The following RUSF1 variants were observed in gnomAD, a reference collection of about 807,000 sequenced individuals.
RUSF1 encodes RUS1 family protein C16orf58.
Under a neutral mutation model 63.0 loss-of-function variants are expected in RUSF1, and 58 were observed. The ratio of observed to expected loss-of-function variants is 0.92; its 90% CI spans 0.75 to 1.15. RUSF1 has a LOEUF of 1.15. RUSF1 is among the 50% of genes most tolerant of loss of function. RUSF1 has a pLI of 0.00. For synonymous variants in RUSF1, 274 were observed against 255.8 expected (o/e 1.07, Z -0.68); for missense variants, 652 against 611.0 (o/e 1.07, Z -0.71).
rs757370366 is a variant in RUSF1 at position 31,492,063 on chromosome 16, C to A, written c.1255G>T (p.Val419Phe). 6.2e-7 allele frequency: 1 copy of A among 1,614,166 alleles called. No individual in the cohort carries two copies. The highest frequency in any genetic ancestry group is 1.1e-5 in the South Asian group (1 of 91,086). The stretch of plus-strand genomic sequence containing the variant: ...AACACTTCGTGTGTCTCCTTGACGA[C>A]GACCCAGCTCTCTTTCTTAGGACCT... ...RAGPKKESWV[V>F]VKETHEVLDM... Residue 419 changes from valine to phenylalanine, a missense_variant, in exon 12 of 13, where the codon GTC (valine) becomes TTC (phenylalanine). Coordinates refer to ENST00000327237, the MANE Select transcript of RUSF1 (RefSeq NM_022744.4).
intron 2 of RUSF1, among the ~76,000 whole-genome samples, chr16:31,506,552 C>T (rs1189715569): frequency 1.3e-5 from 2 of 152,170 alleles, no homozygotes; most frequent in South Asian, 2.1e-4. Flanking sequence ...GAAGCTGAGG[C>T]GAATGGATCA....
intron 12 of RUSF1, 87 bp downstream of exon 12, chr16:31,491,922 T>A (rs1190966319): frequency 7.2e-7 from 1 of 1,394,708 alleles, no homozygotes; most frequent in Admixed American, 1.9e-5. Context: ...CTTTTACCTT[T>A]CAGGTGAAAG....
chr16:31,502,893 G>A (rs563955732), intron 2 of RUSF1, among the ~76,000 whole-genome samples: 1 of 152,256 alleles, frequency 6.6e-6, no homozygotes, highest in Non-Finnish European at 1.5e-5. Flanking sequence ...GCCTTCCGAA[G>A]TGTTGGGATT....
chr16:31,491,313 C>A (rs2082566274), intron 12 of RUSF1, among the ~76,000 whole-genome samples: 1 of 151,990 alleles, frequency 6.6e-6, no homozygotes, highest in African/African-American at 2.4e-5. Context: ...CTTAGGATTG[C>A]AGAGAGAATC....
Position 31,499,397 on chromosome 16 carries a change from C to T in RUSF1, c.505G>A (p.Asp169Asn). ...CNAKQWRLFA[D>N]ILNDVAMFLE... ...AACATGGCTACGTCATTGAGGATGT[C>T]CGCAAAAAGCCTGGGGAGGGATCAG... Residue 169 changes from aspartate (D) to asparagine (N), a missense_variant, in exon 5 of 13, where the codon GAC (aspartate) becomes AAC (asparagine). Transcript: ENST00000327237. The T allele has an allele frequency of 6.2e-7, 1 of 1,613,900 alleles. No individual in the cohort carries two copies. The highest frequency in any genetic ancestry group is 1.1e-5 in the South Asian group (1 of 91,066).
At position 31,493,725 on chromosome 16, in the gene RUSF1, A is replaced by T. The variant is rs767617953; in HGVS notation, c.836T>A (p.Val279Asp). The T allele has an allele frequency of 1.9e-6, 3 of 1,614,068 alleles. No individual in the cohort carries two copies. The highest frequency in any genetic ancestry group is 2.5e-6 in the Non-Finnish European group (3 of 1,180,016). Residue 279 changes from valine to aspartate, a missense_variant, in exon 8 of 13, where the codon GTC (valine) becomes GAC (aspartate). Transcript: ENST00000327237. ...CAAGGTCTCCATGACCAGGGCTCGG[A>T]CCGCGCGGTAGTTGGCGTAGATGTG... ...ALHIYANYRA[V>D]RALVMETLNE... is the part of the protein sequence containing the mutation.
rs1470226487 is a variant in RUSF1 at position 31,508,168 on chromosome 16, G to A, written c.206C>T (p.Pro69Leu). ...GAACACGGCCTGGAGCCCGGAGAGGGGCGGTGAGGGGGCCCCGGAAGCCCC... is the reference window on the plus strand; with the variant it reads ...GAACACGGCCTGGAGCCCGGAGAGGAGCGGTGAGGGGGCCCCGGAAGCCCC... Reference protein sequence around the residue: ...EVGASGAPSPPLSGLQAVFLP... With the variant: ...EVGASGAPSPLLSGLQAVFLP... Residue 69 changes from proline to leucine, a missense_variant, in exon 1 of 13, where the codon CCC (proline) becomes CTC (leucine). Pro to Leu is a moderately conservative substitution (Grantham distance 98). Coordinates refer to ENST00000327237, the MANE Select transcript of RUSF1 (RefSeq NM_022744.4). 4.4e-6 allele frequency: 7 copies of A among 1,578,536 alleles called. No homozygotes were observed. The highest frequency in any genetic ancestry group is 2.4e-5 in the East Asian group (1 of 42,280).
chr16:31,490,851 T>C lies in RUSF1; in HGVS notation c.1391A>G (p.Glu464Gly). 1 of 1,614,144 alleles carries C rather than the reference T, an allele frequency of 6.2e-7. No homozygotes were observed. The highest frequency in any genetic ancestry group is 8.5e-7 in the Non-Finnish European group (1 of 1,180,022). ...EWRATWLLSPEKKVL is the reference protein window; with the variant it reads ...EWRATWLLSPGKKVL ...CTGGGCTGCTCACAAGACCTTCTTT[T>C]CGGGAGACAGAAGCCATGTGGCCCT... The change falls in exon 13 of 13, where the codon GAA becomes GGA. Residue 464 changes from glutamate to glycine, a missense_variant. Coordinates refer to ENST00000327237, the MANE Select transcript of RUSF1 (RefSeq NM_022744.4).
rs148937147 is a variant in RUSF1, at chr16:31,489,624, A to C, written c.*1211T>G. ...ACACAGGATCTGACTGGTGGGCACA[A>C]TACCATCTTGAACGCCCACAAAAAG... On this transcript the variant is annotated 3_prime_UTR_variant, in exon 13 of 13. Coordinates refer to ENST00000327237, the MANE Select transcript of RUSF1 (RefSeq NM_022744.4). 657 of 557,228 alleles carry C rather than the reference A, an allele frequency of 1.2e-3. 3 individuals are homozygous for C. The highest frequency in any genetic ancestry group is 0.011 in the African/African-American group (563 of 53,126). 34.5% of individuals were successfully genotyped at this position (557,228 alleles called of 1,614,324 possible). A position where few individuals can be genotyped will look rare whatever the true frequency, so the allele number is the denominator to read the frequency against.
At chr16:31,498,905 C>CT (rs2082618202) in intron 5 of RUSF1, among the ~76,000 whole-genome samples, 1 of 152,184 alleles carries the variant, frequency 6.6e-6, no homozygotes, top group Non-Finnish European at 1.5e-5. Flanking sequence ...CCTATAATTC[C>CT]ACAAACACTG....
At chr16:31,500,469 T>C (rs977365247) in intron 3 of RUSF1, among the ~76,000 whole-genome samples, 6 of 152,220 alleles carry the variant, frequency 3.9e-5, no homozygotes, top group Admixed American at 6.5e-5. Context: ...CTGTAAGGAT[T>C]AGAGACAACA....
rs993059155 is a variant in RUSF1, at chr16:31,490,708, TGAGGGC to T, written c.*121_*126del. ...GCATCTGATTGGCAGTCACTTCCCA[TGAGGGC>T]CTGGCCCACCCGCTGCAGTTGCCCT... On this transcript the variant is annotated 3_prime_UTR_variant, in exon 13 of 13. Transcript: ENST00000327237. 853 of 1,202,462 alleles carry T rather than the reference TGAGGGC, an allele frequency of 7.1e-4. 7 individuals carry two copies. The African/African-American group carries it at 0.012, about 17-fold the overall frequency. 74.5% of individuals were successfully genotyped at this position (1,202,462 alleles called of 1,614,324 possible). A position where few individuals can be genotyped will look rare whatever the true frequency, so the allele number is the denominator to read the frequency against.
intron 9 of RUSF1, 185 bp from the exon 10 acceptor site, chr16:31,493,233 TC>T (rs2082583096): frequency 1.2e-6 from 1 of 867,086 alleles, no homozygotes; most frequent in Admixed American, 2.0e-5. Context: ...TATCCAGTCA[TC>T]CAACTTCCCC....
Position 31,492,013 on chromosome 16 carries a change from C to T in RUSF1, c.1305G>A (p.Leu435=). The T allele has an allele frequency of 6.2e-7, 1 of 1,614,158 alleles. No homozygotes were observed. Among genetic ancestry groups the T allele is most frequent in the South Asian group, 1.1e-5 (1 of 91,078 alleles). ...EVLDMLFPKF[L]KGLQDAGWKT... is the part of the protein sequence containing the mutation. ...CCATGGGCTGAGGGATGTTACCTTT[C>T]AAGAACTTTGGGAACAGCATGTCCA... Residue 435 remains leucine, a synonymous_variant, in exon 12 of 13, where the codon TTG becomes TTA. Coordinates refer to ENST00000327237, the MANE Select transcript of RUSF1 (RefSeq NM_022744.4).
chr16:31,493,993 T>G, intron 6 of RUSF1, 57 bp from the exon 7 acceptor site: 1 of 1,557,376 alleles, frequency 6.4e-7, no homozygotes, highest in Non-Finnish European at 8.8e-7. Context: ...CCAGACTGAG[T>G]GCCCGAGTGC....
Position 31,499,425 on chromosome 16 carries a change from G to A in RUSF1, c.495-18C>T. On this transcript the variant is annotated intron_variant, in intron 4 of 12. Transcript: ENST00000327237. ...CAAAAAGCCTGGGGAGGGATCAGAG[G>A]TTAGAGGTCAGAGGTAGGAGACTTT... 1 of 1,613,786 alleles carries A rather than the reference G, an allele frequency of 6.2e-7. No homozygotes were observed. The highest frequency in any genetic ancestry group is 8.5e-7 in the Non-Finnish European group (1 of 1,179,852).
chr16:31,493,430 G>A (rs2142645562), intron 9 of RUSF1, 37 bp downstream of exon 9: 2 of 1,562,602 alleles, frequency 1.3e-6, no homozygotes, highest in Middle Eastern at 1.7e-4. Flanking sequence ...GAGTGTGGGT[G>A]GCGGTGGTGA....
chr16:31,492,418 CCT>C (rs1161721692), intron 10 of RUSF1, 78 bp from the exon 11 acceptor site: 76 of 1,451,938 alleles, frequency 5.2e-5, no homozygotes, highest in Middle Eastern at 2.0e-4. Context: ...CCCTGCTTCC[CCT>C]GTCTGCCCCA....
chr16:31,498,839 G>T (rs778123983), intron 5 of RUSF1, among the ~76,000 whole-genome samples: 5 of 152,146 alleles, frequency 3.3e-5, no homozygotes, highest in Non-Finnish European at 7.3e-5. Flanking sequence ...GACCAGGCTG[G>T]AATCCCCGCC....
Sources: allele counts gnomAD v4.1 joint callset (sites outside exome capture counted in the v4.1 genomes callset), GRCh38; gene constraint gnomAD v4.1.1; transcripts MANE v1.5; gene names NCBI Gene and HGNC (gene_info 2026-07-23, HGNC 2026-07-21).